Variants in INSR observed in about 807,000 individuals in gnomAD.
The protein encoded by INSR is IR.
Under a neutral mutation model 142.6 loss-of-function variants are expected in INSR, and 67 were observed. The ratio of observed to expected loss-of-function variants is 0.47; its 90% CI spans 0.39 to 0.58. INSR has a LOEUF of 0.58. INSR is among the 20% of genes least tolerant of loss of function. The pLI, the probability that INSR is intolerant of heterozygous loss-of-function variation, is 0.00. For synonymous variants in INSR, 756 were observed against 743.1 expected (o/e 1.02, Z -0.28); for missense variants, 1,248 against 1,833.2 (o/e 0.68, Z 5.83).
chr19:7,162,591 A>G (rs1033400353), intron 9 of INSR, among the ~76,000 whole-genome samples: 2 of 151,494 alleles, frequency 1.3e-5, no homozygotes, highest in Admixed American at 6.6e-5. Context: ...TGGGTGGATC[A>G]CCTGAGGTCA....
rs189976124 is a variant in INSR, at chr19:7,166,665, A to C, written c.1611-261T>G. Among the ~76,000 whole-genome samples the C allele has an allele frequency of 2.6e-5, 4 of 152,330 alleles. No individual in the cohort carries two copies. Among genetic ancestry groups the C allele is most frequent in the Non-Finnish European group, 4.4e-5 (3 of 68,030 alleles). On this transcript the variant is annotated intron_variant, in intron 7 of 21. Transcript: ENST00000302850. The surrounding 1 kb of genome is among the most constrained non-coding windows in gnomAD (Gnocchi z 4.1). ...CCAAGTGCAGTGGCTCACGCCTGTA[A>C]TCCCAGCACTTTGGGAGGCCGAGAA...
At chr19:7,197,321 A>AGAGT (rs59460120) in intron 2 of INSR, among the ~76,000 whole-genome samples, 105,300 of 151,376 alleles carry the variant, frequency 0.7, 36,805 homozygotes, top group Non-Finnish European at 0.71. Context: ...CTTCGGAGAG[A>AGAGT]GAGTGAGTGA....
rs2144929280 is a variant in INSR, at chr19:7,163,023, T to C, written c.2029+9A>G. Reference sequence around the variant, plus strand: ...CCCCACCGATCCTAGCACAGCTGCCTGCACTCACCTTTGAGGCAATAATCC... The same window carrying C: ...CCCCACCGATCCTAGCACAGCTGCCCGCACTCACCTTTGAGGCAATAATCC... On this transcript the variant is annotated intron_variant, in intron 9 of 21. Coordinates refer to ENST00000302850, the MANE Select transcript of INSR (RefSeq NM_000208.4). 2 of 1,612,974 alleles carry C rather than the reference T, an allele frequency of 1.2e-6. No homozygotes were observed. Among genetic ancestry groups the C allele is most frequent in the Non-Finnish European group, 1.7e-6 (2 of 1,179,858 alleles).
At chr19:7,224,275 T>C (rs1975711562) in intron 2 of INSR, among the ~76,000 whole-genome samples, 1 of 149,592 alleles carries the variant, frequency 6.7e-6, no homozygotes, top group East Asian at 2.0e-4. Flanking sequence ...AGACAAAGTC[T>C]TGTGACATGC....
intron 2 of INSR, among the ~76,000 whole-genome samples, chr19:7,228,959 A>G (rs1975866291): frequency 6.7e-6 from 1 of 150,288 alleles, no homozygotes; most frequent in South Asian, 2.1e-4. Flanking sequence ...AGGTGTGTGG[A>G]TTGTTGGCAG....
In INSR at chr19:7,123,013, C is replaced by A. The variant is rs1599871046; in HGVS notation, c.3259-24G>T. On this transcript the variant is annotated intron_variant, in intron 17 of 21. Transcript: ENST00000302850. Reference sequence around the variant, plus strand: ...ACCTGCAGAGCAAGCAACCAGGGTTCTTGGAGGAGGGTCCGTGATTCGACT... The same window carrying A: ...ACCTGCAGAGCAAGCAACCAGGGTTATTGGAGGAGGGTCCGTGATTCGACT... 3 of 1,539,980 alleles carry A rather than the reference C, an allele frequency of 1.9e-6. No individual in the cohort carries two copies. In the East Asian group the frequency reaches 7.1e-5, roughly 36 times the overall value.
At chr19:7,158,363 T>C (rs947111707) in intron 9 of INSR, among the ~76,000 whole-genome samples, 1 of 151,808 alleles carries the variant, frequency 6.6e-6, no homozygotes, top group Non-Finnish European at 1.5e-5. Context: ...TAGCCGGGCG[T>C]GGTGGCGGGC....
intron 2 of INSR, among the ~76,000 whole-genome samples, chr19:7,252,009 C>T (rs1315999668): frequency 3.3e-5 from 5 of 152,146 alleles, no homozygotes; most frequent in Admixed American, 2.0e-4. Context: ...TGCGGTGGCT[C>T]ACGCCTGTAA....
chr19:7,200,859 CAAAAAAAAAA>C (rs59770137), intron 2 of INSR, among the ~76,000 whole-genome samples: 2 of 76,302 alleles, frequency 2.6e-5, no homozygotes, highest in Admixed American at 3.0e-4. Flanking sequence ...GACCTTATCT[CAAAAAAAAAA>C]AAAAAAAAAA....
intron 19 of INSR, among the ~76,000 whole-genome samples, chr19:7,121,444 C>T (rs1040243589): frequency 2.0e-5 from 3 of 152,204 alleles, no homozygotes; most frequent in East Asian, 1.9e-4. Context: ...TCACATCTCA[C>T]GCTGCTCTGG....
Position 7,125,024 on chromosome 19 carries a change from A to C in INSR, c.3258+259T>G, listed in dbSNP as rs1235617188. ...AAATGATGGAAGATTCCAGAAAGTG[A>C]TGAAAGATTCTGGAAAGCAATGAAA... On this transcript the variant is annotated intron_variant, in intron 17 of 21. Coordinates refer to ENST00000302850, the MANE Select transcript of INSR (RefSeq NM_000208.4). This position sits in a 1 kb window ranked among gnomAD's most constrained non-coding sequence, Gnocchi z 4.9. 6.6e-6 allele frequency among the ~76,000 whole-genome samples: 1 copy of C among 152,104 alleles called. No individual in the cohort carries two copies. Among genetic ancestry groups the C allele is most frequent in the Non-Finnish European group, 1.5e-5 (1 of 68,028 alleles).
At chr19:7,174,927 C>T (rs1337770926) in intron 3 of INSR, among the ~76,000 whole-genome samples, 196 bp from the exon 4 acceptor site, 1 of 152,132 alleles carries the variant, frequency 6.6e-6, no homozygotes, top group African/African-American at 2.4e-5. Flanking sequence ...ACTGCAACCT[C>T]TGCCTTCTGG....
At position 7,293,780 on chromosome 19, in the gene INSR, C is replaced by A; in HGVS notation, c.100+12G>T. On this transcript the variant is annotated intron_variant, in intron 1 of 21. Transcript: ENST00000302850. ...CGGCGCTCCCCGCCCACGCCCGCGC[C>A]CCCAGACTCACCCTCTCCGGGGTAC... The A allele has an allele frequency of 7.4e-7, 1 of 1,356,310 alleles. No homozygotes were observed. The highest frequency in any genetic ancestry group is 1.8e-5 in the South Asian group (1 of 55,828). The allele number at this position is 1,356,310 out of a possible 1,614,324, so 84.0% of individuals were successfully genotyped here. A position where few individuals can be genotyped will look rare whatever the true frequency, so the allele number is the denominator to read the frequency against.
chr19:7,221,580 C>T (rs575757921), intron 2 of INSR, among the ~76,000 whole-genome samples: 9 of 152,044 alleles, frequency 5.9e-5, no homozygotes, highest in East Asian at 5.8e-4. Flanking sequence ...TGGTGGCACA[C>T]GTCTGTAATC....
chr19:7,141,417 G>A lies in INSR; in HGVS notation c.2682+260C>T. The A allele has an allele frequency of 5.8e-6, 3 of 516,216 alleles. No homozygotes were observed. In the South Asian group the frequency reaches 6.1e-5, roughly 11 times the overall value. The allele number at this position is 516,216 out of a possible 1,614,324, so 32.0% of individuals were successfully genotyped here. The stretch of plus-strand genomic sequence containing the variant: ...AGTGAAATGAGTCTCCTGTTGTGGT[G>A]GGAGGCAGACATCATTCAACTTAGA... On this transcript the variant is annotated intron_variant, in intron 13 of 21. Transcript: ENST00000302850.
chr19:7,201,749 C>G (rs12982412), intron 2 of INSR, among the ~76,000 whole-genome samples: 102,925 of 136,960 alleles, frequency 0.75, 39,103 homozygotes, highest in African/African-American at 0.79. Context: ...GGCAAGCTCC[C>G]CCTCCCGGGT....
rs1230322969 is a variant in INSR at position 7,159,569 on chromosome 19, G to A, written c.2029+3463C>T. The A allele has an allele frequency of 2.0e-5, 3 of 151,984 alleles. No homozygotes were observed. The highest frequency in any genetic ancestry group is 7.3e-5 in the African/African-American group (3 of 41,324). 9.4% of individuals were successfully genotyped at this position (151,984 alleles called of 1,614,324 possible). ...GGAAGCTTCGAGTGACATTACTGGT[G>A]GCAGCTCTCACGGGTGGTTCTGGTT... On this transcript the variant is annotated intron_variant, in intron 9 of 21. Coordinates refer to ENST00000302850, the MANE Select transcript of INSR (RefSeq NM_000208.4). The surrounding 1 kb of genome is among the most constrained non-coding windows in gnomAD (Gnocchi z 4.3).
At position 7,249,393 on chromosome 19, in the gene INSR, C is replaced by T. The variant is rs146180895; in HGVS notation, c.652+17952G>A. On this transcript the variant is annotated intron_variant, in intron 2 of 21. Coordinates refer to ENST00000302850, the MANE Select transcript of INSR (RefSeq NM_000208.4). Reference sequence around the variant, plus strand: ...TAATTTTCTTAGCAAAACTTGCCTTCGTCAAGAACACAAAGTTTTGTTATG... The same window carrying T: ...TAATTTTCTTAGCAAAACTTGCCTTTGTCAAGAACACAAAGTTTTGTTATG... Among the ~76,000 whole-genome samples, 112 of 152,240 alleles carry T rather than the reference C, an allele frequency of 7.4e-4. 1 individual carries two copies. Among genetic ancestry groups the T allele is most frequent in the African/African-American group, 2.5e-3 (104 of 41,534 alleles).
chr19:7,162,900 T>A (rs564448430), intron 9 of INSR, 132 bp downstream of exon 9: 463 of 762,030 alleles, frequency 6.1e-4, no homozygotes, highest in Non-Finnish European at 1.0e-3. Context: ...TGAGATAGAA[T>A]GGAGTGTGTG....
Sources: gnomAD v4.1 joint callset for allele counts (sites outside exome capture counted in the v4.1 genomes callset) on GRCh38, gnomAD v4.1.1 for gene constraint, Gnocchi (gnomAD v3.1) non-coding constraint, MANE v1.5 for transcripts, NCBI Gene and HGNC (gene_info 2026-07-23, HGNC 2026-07-21) for gene names.